BLVRA: variants seen among roughly 807,000 people sequenced by gnomAD.
BLVRA encodes BVR A.
A neutral mutation model predicts 32.8 loss-of-function variants in BLVRA; 22 were observed. The observed-to-expected ratio is 0.67, with a 90% CI of 0.48 to 0.96. The LOEUF is 0.96. Among genes scored for constraint, BLVRA ranks in the 40% least tolerant of loss-of-function variants. BLVRA has a pLI of 0.00. For missense variants in BLVRA, 323 were observed against 358.1 expected (o/e 0.90, Z 0.79); for synonymous variants, 119 against 141.3 (o/e 0.84, Z 1.12).
rs1448749959 is a variant in BLVRA at position 43,787,468 on chromosome 7, T to C, written c.13-436T>C. On this transcript the variant is annotated intron_variant, in intron 2 of 7. Coordinates refer to ENST00000265523, the MANE Select transcript of BLVRA (RefSeq NM_000712.4). The surrounding 1 kb of genome is among the most constrained non-coding windows in gnomAD (Gnocchi z 4.5). ...CCCATTTGCCTCCTCTGCCAGCATC[T>C]GATGAAGAAGCTGTGCCCTCTGAAT... 6.6e-6 allele frequency among the ~76,000 whole-genome samples: 1 copy of C among 152,186 alleles called. No individual in the cohort carries two copies. Among genetic ancestry groups the C allele is most frequent in the Non-Finnish European group, 1.5e-5 (1 of 68,036 alleles).
intron 2 of BLVRA, among the ~76,000 whole-genome samples, chr7:43,774,170 T>G (rs1452709273): frequency 6.6e-6 from 1 of 152,256 alleles, no homozygotes; most frequent in Non-Finnish European, 1.5e-5. Flanking sequence ...CATTTTGGCT[T>G]TTGTTGCCAT....
intron 1 of BLVRA, among the ~76,000 whole-genome samples, chr7:43,759,102 C>T (rs536081280): frequency 6.6e-6 from 1 of 152,344 alleles, no homozygotes; most frequent in Admixed American, 6.5e-5. Flanking sequence ...TCCAGGAGCG[C>T]GAGCGGCTGG....
intron 2 of BLVRA, among the ~76,000 whole-genome samples, chr7:43,784,582 G>C (rs548792494): frequency 6.7e-6 from 1 of 149,414 alleles, no homozygotes; most frequent in East Asian, 2.0e-4. Flanking sequence ...TAAGATACCA[G>C]TGTCTTCACT....
chr7:43,781,287 C>T (rs1465123651), intron 2 of BLVRA, among the ~76,000 whole-genome samples: 1 of 152,170 alleles, frequency 6.6e-6, no homozygotes, highest in African/African-American at 2.4e-5. Flanking sequence ...TCTGTTGCCC[C>T]TTTATAGTCA....
intron 3 of BLVRA, among the ~76,000 whole-genome samples, chr7:43,790,644 C>T (rs1484931279): frequency 6.6e-6 from 1 of 152,132 alleles, no homozygotes; most frequent in African/African-American, 2.4e-5. Context: ...GATCACTTCT[C>T]ATGAGATAAA....
chr7:43,806,237 T>G (rs1206242087), intron 7 of BLVRA, among the ~76,000 whole-genome samples: 1 of 151,820 alleles, frequency 6.6e-6, no homozygotes, highest in Non-Finnish European at 1.5e-5. Flanking sequence ...CGTTTGAACC[T>G]GGAGGCAGAG....
intron 2 of BLVRA, among the ~76,000 whole-genome samples, chr7:43,786,355 A>G (rs1056245447): frequency 6.6e-6 from 1 of 152,254 alleles, no homozygotes; most frequent in Non-Finnish European, 1.5e-5. Context: ...CTAAACTTGT[A>G]TGTATCTAAT....
In BLVRA at chr7:43,802,887, G is replaced by A. The variant is rs186529640; in HGVS notation, c.461-789G>A. Among the ~76,000 whole-genome samples the A allele has an allele frequency of 5.8e-3, 874 of 150,912 alleles. 10 individuals carry two copies. The highest frequency in any genetic ancestry group is 0.021 in the African/African-American group (837 of 40,794). On this transcript the variant is annotated intron_variant, in intron 6 of 7. Coordinates refer to ENST00000265523, the MANE Select transcript of BLVRA (RefSeq NM_000712.4). ...CAAGTAGCTGGGGTTACAGGCACCC[G>A]TCACTATGCCCGGGTAATTTTTGTA...
rs183127429 is a variant in BLVRA, at chr7:43,761,690, T to C, written c.-22+2956T>C. ...ATTATCAGAGCACCTTGATATGTTATTGCCCTGTGAAAGTCTGTTCAGTTT... is the reference window on the plus strand; with the variant it reads ...ATTATCAGAGCACCTTGATATGTTACTGCCCTGTGAAAGTCTGTTCAGTTT... On this transcript the variant is annotated intron_variant, in intron 1 of 7. Coordinates refer to ENST00000265523, the MANE Select transcript of BLVRA (RefSeq NM_000712.4). Among the ~76,000 whole-genome samples the C allele has an allele frequency of 8.7e-4, 133 of 152,324 alleles. 1 individual carries two copies. The highest frequency in any genetic ancestry group is 3.1e-3 in the African/African-American group (128 of 41,568).
intron 3 of BLVRA, among the ~76,000 whole-genome samples, chr7:43,788,314 A>G (rs1252103667): frequency 6.6e-6 from 1 of 152,202 alleles, no homozygotes; most frequent in African/African-American, 2.4e-5. Flanking sequence ...AAACACATGC[A>G]TGGGGCTTTG....
chr7:43,761,078 G>A (rs1050934679), intron 1 of BLVRA, among the ~76,000 whole-genome samples: 2 of 152,114 alleles, frequency 1.3e-5, no homozygotes, highest in South Asian at 2.1e-4. Context: ...CCTCTCTTCC[G>A]TCTTTGAGCT....
At chr7:43,777,956 T>C (rs1053225444) in intron 2 of BLVRA, among the ~76,000 whole-genome samples, 3 of 152,268 alleles carry the variant, frequency 2.0e-5, no homozygotes, top group Admixed American at 6.5e-5. Flanking sequence ...GCTTCTGCAT[T>C]CTTCACGTAG....
rs2095804726 is a variant in BLVRA, at chr7:43,807,054, C to T, written c.710C>T (p.Ser237Phe). 6.2e-7 allele frequency: 1 copy of T among 1,614,022 alleles called. No homozygotes were observed. The highest frequency in any genetic ancestry group is 1.7e-5 in the Admixed American group (1 of 59,998). The change falls in exon 8 of 8, where the codon TCC becomes TTC. Residue 237 changes from serine (S) to phenylalanine (F), a missense_variant. Ser to Phe is a radical substitution (Grantham distance 155). Coordinates refer to ENST00000265523, the MANE Select transcript of BLVRA (RefSeq NM_000712.4). ...RYLSFHFKSG[S>F]LENVPNVGVN... ...TTAAGCTTCCATTTCAAGTCTGGGT[C>T]CTTGGAGAATGTGCCAAATGTAGGA...
intron 3 of BLVRA, among the ~76,000 whole-genome samples, 177 bp downstream of exon 3, chr7:43,788,202 T>C (rs2132575122): frequency 6.6e-6 from 1 of 152,282 alleles, no homozygotes; most frequent in African/African-American, 2.4e-5. Flanking sequence ...AACTGAAGCT[T>C]GCTGGGCCTG....
chr7:43,792,459 T>G (rs2095787226), intron 4 of BLVRA, among the ~76,000 whole-genome samples: 1 of 152,222 alleles, frequency 6.6e-6, no homozygotes, highest in Non-Finnish European at 1.5e-5. Flanking sequence ...TAAATAGTAC[T>G]TAGTTGAATA....
chr7:43,787,986 C>A lies in BLVRA; in HGVS notation c.95C>A (p.Pro32His), dbSNP rs778261680. The A allele has an allele frequency of 6.2e-7, 1 of 1,614,172 alleles. No homozygotes were observed. The highest frequency in any genetic ancestry group is 1.7e-5 in the Admixed American group (1 of 60,014). ...VRMRDLRNPH[P>H]SSAFLNLIGF... ...ATGAGGGACTTGCGGAATCCACACC[C>A]TTCCTCAGCGTTCCTGAACCTGATT... is the stretch of plus-strand genomic sequence containing the variant. Residue 32 changes from proline (P) to histidine (H), a missense_variant, in exon 3 of 8, where the codon CCT (proline) becomes CAT (histidine). By Grantham distance (77) the Pro-to-His change is moderately conservative. Transcript: ENST00000265523. The surrounding 1 kb of genome is among the most constrained non-coding windows in gnomAD (Gnocchi z 4.5).
chr7:43,804,048 CAA>C (rs968366804), intron 7 of BLVRA, among the ~76,000 whole-genome samples: 10 of 152,232 alleles, frequency 6.6e-5, no homozygotes, highest in African/African-American at 9.6e-5. Flanking sequence ...GTAAAGAAGA[CAA>C]ACATAATCCC....
Position 43,787,589 on chromosome 7 carries a change from A to C in BLVRA, c.13-315A>C, listed in dbSNP as rs929400960. On this transcript the variant is annotated intron_variant, in intron 2 of 7. Coordinates refer to ENST00000265523, the MANE Select transcript of BLVRA (RefSeq NM_000712.4). This position sits in a 1 kb window ranked among gnomAD's most constrained non-coding sequence, Gnocchi z 4.5. ...TGGGCTGGGTCTGGGTTAATGGGGA[A>C]AGCTCCCTCATTATTGGAGATGGGG... Among the ~76,000 whole-genome samples the C allele has an allele frequency of 1.3e-5, 2 of 152,074 alleles. No individual in the cohort carries two copies. Among genetic ancestry groups the C allele is most frequent in the African/African-American group, 4.8e-5 (2 of 41,398 alleles).
intron 6 of BLVRA, among the ~76,000 whole-genome samples, chr7:43,800,958 A>T (rs1163759823): frequency 6.6e-6 from 1 of 152,086 alleles, no homozygotes; most frequent in East Asian, 1.9e-4. Context: ...CAGCAACCAC[A>T]GTATTTATTT....
Sources: gnomAD v4.1 joint callset for allele counts (sites outside exome capture counted in the v4.1 genomes callset) on GRCh38, gnomAD v4.1.1 for gene constraint, Gnocchi (gnomAD v3.1) non-coding constraint, MANE v1.5 for transcripts, NCBI Gene and HGNC (gene_info 2026-07-23, HGNC 2026-07-21) for gene names.